Variants in UBE3B observed in about 807,000 individuals in gnomAD.
The protein encoded by UBE3B is ubiquitin protein ligase E3B.
In UBE3B, 80 loss-of-function variants were observed where a neutral mutation model predicts 132.3. The observed-to-expected ratio is 0.60, with a 90% confidence interval of 0.50 to 0.73. The LOEUF is 0.73. Among genes scored for constraint, UBE3B ranks in the 30% least tolerant of loss-of-function variants. The pLI is 0.00. For synonymous variants in UBE3B, 487 were observed against 520.4 expected (o/e 0.94, Z 0.87); for missense variants, 1,196 against 1,362.5 (o/e 0.88, Z 1.92).
chr12:109,517,927 A>C (rs770282819), intron 19 of UBE3B: 6 of 444,780 alleles, frequency 1.3e-5, no homozygotes, highest in Non-Finnish European at 2.3e-5. Context: ...AGCTTGTTTG[A>C]GTGCCCCTGG....
In UBE3B at chr12:109,525,613, G is replaced by T. The variant is rs796820953; in HGVS notation, c.2569-745G>T. On this transcript the variant is annotated intron_variant, in intron 23 of 27. Coordinates refer to ENST00000342494, the MANE Select transcript of UBE3B (RefSeq NM_130466.4). ...AAATGATATGTCCTTTGATTTTTAG[G>T]TGATCCACGGAAGTGTTCTTGAAGT... is the stretch of plus-strand genomic sequence containing the variant. 2.6e-5 allele frequency among the ~76,000 whole-genome samples: 4 copies of T among 152,266 alleles called. 1 individual carries two copies. The highest frequency in any genetic ancestry group is 9.6e-5 in the African/African-American group (4 of 41,536).
Position 109,483,729 on chromosome 12 carries a change from C to T in UBE3B, c.161+17C>T. 1.3e-6 allele frequency: 2 copies of T among 1,580,192 alleles called. No homozygotes were observed. The highest frequency in any genetic ancestry group is 2.2e-5 in the East Asian group (1 of 44,538). On this transcript the variant is annotated intron_variant, in intron 3 of 27. Coordinates refer to ENST00000342494, the MANE Select transcript of UBE3B (RefSeq NM_130466.4). ...AGATATCAGGTAAGGGCTAGGATCT[C>T]CCTAGCACATGATTCTCTGGCTCCC...
In UBE3B at chr12:109,534,199, C is replaced by T; in HGVS notation, c.3016-392C>T. 1.6e-6 allele frequency: 2 copies of T among 1,236,194 alleles called. No homozygotes were observed. Among genetic ancestry groups the T allele is most frequent in the Non-Finnish European group, 2.1e-6 (2 of 970,260 alleles). The allele number at this position is 1,236,194 out of a possible 1,614,324, so 76.6% of individuals were successfully genotyped here. A position where few individuals can be genotyped will look rare whatever the true frequency, so the allele number is the denominator to read the frequency against. On this transcript the variant is annotated intron_variant, in intron 27 of 27. Coordinates refer to ENST00000342494, the MANE Select transcript of UBE3B (RefSeq NM_130466.4). The surrounding 1 kb of genome is among the most constrained non-coding windows in gnomAD (Gnocchi z 5.2). ...GCCTCCATGCTTAAGGGAAAGTTGG[C>T]CCAAGTCATGGTCTGCCACCGGCCA...
intron 8 of UBE3B, chr12:109,490,640 T>C: frequency 6.6e-7 from 1 of 1,517,512 alleles, no homozygotes; most frequent in Non-Finnish European, 8.8e-7. Context: ...TCTAAAATAA[T>C]ATGATGTCTT....
intron 9 of UBE3B, among the ~76,000 whole-genome samples, chr12:109,492,943 C>T (rs1185681180): frequency 6.6e-6 from 1 of 152,076 alleles, no homozygotes. Flanking sequence ...TTGGACCAGC[C>T]GCATTTTTAA....
chr12:109,518,377 A>T (rs1277360830), intron 19 of UBE3B, among the ~76,000 whole-genome samples: 1 of 152,174 alleles, frequency 6.6e-6, no homozygotes, highest in Admixed American at 6.5e-5. Flanking sequence ...CAAAATTCAG[A>T]TCTTCCATGT....
At position 109,483,638 on chromosome 12, in the gene UBE3B, G is replaced by A. The variant is rs375632180; in HGVS notation, c.87G>A (p.Arg29=). 5.8e-5 allele frequency: 94 copies of A among 1,613,444 alleles called. No individual in the cohort carries two copies. Among genetic ancestry groups the A allele is most frequent in the Non-Finnish European group, 7.6e-5 (90 of 1,179,878 alleles). Residue 29 remains arginine (R), a synonymous_variant, in exon 3 of 28, where the codon CGG becomes CGA. Transcript: ENST00000342494. ...AAGAAAGGCTTGTGCAGAAGGAACG[G>A]GAGCGGGCAGCTGTTGTGATCCAGG... ...AREERLVQKE[R]ERAAVVIQAH...
Position 109,488,656 on chromosome 12 carries a change from C to G in UBE3B, c.532C>G (p.Leu178Val). 1 of 1,614,096 alleles carries G rather than the reference C, an allele frequency of 6.2e-7. No individual in the cohort carries two copies. The highest frequency in any genetic ancestry group is 8.5e-7 in the Non-Finnish European group (1 of 1,179,918). Residue 178 changes from leucine (L) to valine (V), a missense_variant, in exon 7 of 28, where the codon CTT becomes GTT. By Grantham distance (32) the Leu-to-Val change is conservative. Transcript: ENST00000342494. The part of the protein sequence containing the change: ...TFTDTSTWKI[L>V]RGKGESLRPA... ...CACAGACACTTCAACGTGGAAAATT[C>G]TTCGGGGAAAAGGTCTGTGGGACTT...
Position 109,508,357 on chromosome 12 carries a change from A to G in UBE3B, c.1622+622A>G, listed in dbSNP as rs1879940291. ...TCTCTATTTCCTCATTAGAATGAAG[A>G]GAATATTACCAGTTCAATAGAGGGT... On this transcript the variant is annotated intron_variant, in intron 15 of 27. Transcript: ENST00000342494. 3 of 240,384 alleles carry G rather than the reference A, an allele frequency of 1.2e-5. No individual in the cohort carries two copies. In the South Asian group the frequency reaches 4.6e-4, roughly 37 times the overall value. 14.9% of individuals were successfully genotyped at this position (240,384 alleles called of 1,614,324 possible).
At chr12:109,507,946 A>G (rs1650499407) in intron 15 of UBE3B, among the ~76,000 whole-genome samples, 1 of 152,178 alleles carries the variant, frequency 6.6e-6, no homozygotes, top group African/African-American at 2.4e-5. Flanking sequence ...AAAAGTTCCC[A>G]TCCTTTCAAG....
chr12:109,497,753 G>A, intron 9 of UBE3B, 65 bp from the exon 10 acceptor site: 1 of 1,491,630 alleles, frequency 6.7e-7, no homozygotes, highest in Non-Finnish European at 9.3e-7. Flanking sequence ...ACGTTGGTGG[G>A]GTTGTGCTTT....
chr12:109,501,079 C>A (rs1463086647), intron 12 of UBE3B, among the ~76,000 whole-genome samples: 2 of 152,136 alleles, frequency 1.3e-5, no homozygotes, highest in African/African-American at 4.8e-5. Context: ...GCAGTGGGTA[C>A]AAGATTGTTT....
At position 109,488,406 on chromosome 12, in the gene UBE3B, A is replaced by C. The variant is rs576977166; in HGVS notation, c.448-166A>C. ...TAGAGTGCCACATTCCCTGTTATTTAACTCCTGGAGTGGTCATTGCCCAAG... is the reference window on the plus strand; with the variant it reads ...TAGAGTGCCACATTCCCTGTTATTTCACTCCTGGAGTGGTCATTGCCCAAG... On this transcript the variant is annotated intron_variant, in intron 6 of 27. Coordinates refer to ENST00000342494, the MANE Select transcript of UBE3B (RefSeq NM_130466.4). Among the ~76,000 whole-genome samples, 6 of 151,926 alleles carry C rather than the reference A, an allele frequency of 3.9e-5. No individual in the cohort carries two copies. The East Asian group carries it at 1.2e-3, about 29-fold the overall frequency.
chr12:109,527,450 G>T (rs1483661688), intron 24 of UBE3B, among the ~76,000 whole-genome samples: 1 of 152,188 alleles, frequency 6.6e-6, no homozygotes, highest in African/African-American at 2.4e-5. Flanking sequence ...TGACAAGTGA[G>T]GGCTCAGTCC....
chr12:109,515,103 C>T (rs563020909), intron 18 of UBE3B, among the ~76,000 whole-genome samples: 61 of 150,850 alleles, frequency 4.0e-4, no homozygotes, highest in African/African-American at 1.3e-3. Context: ...TTAGTGGAGA[C>T]GGGGTTTCAC....
intron 26 of UBE3B, 47 bp downstream of exon 26, chr12:109,530,705 C>G (rs1193430047): frequency 1.3e-6 from 2 of 1,552,342 alleles, no homozygotes; most frequent in African/African-American, 1.4e-5. Flanking sequence ...TCTCATAAAC[C>G]TGGAAGGCCA....
chr12:109,531,203 A>G (rs1250413066), intron 26 of UBE3B, among the ~76,000 whole-genome samples: 2 of 152,160 alleles, frequency 1.3e-5, no homozygotes. Context: ...TGATATCAAG[A>G]TGTATTTTTG....
At position 109,498,699 on chromosome 12, in the gene UBE3B, G is replaced by C. The variant is rs182859051; in HGVS notation, c.940+346G>C. Among the ~76,000 whole-genome samples, 699 of 152,314 alleles carry C rather than the reference G, an allele frequency of 4.6e-3. 2 individuals carry two copies. The highest frequency in any genetic ancestry group is 8.0e-3 in the Non-Finnish European group (544 of 68,016). ...GTTAGGTGGGGCTTATATCAGAGCAGCGCCTGCTTTACCTATTTTACAGTG... is the reference window on the plus strand; with the variant it reads ...GTTAGGTGGGGCTTATATCAGAGCACCGCCTGCTTTACCTATTTTACAGTG... On this transcript the variant is annotated intron_variant, in intron 11 of 27. Coordinates refer to ENST00000342494, the MANE Select transcript of UBE3B (RefSeq NM_130466.4).
chr12:109,483,089 T>C (rs1032483958), intron 2 of UBE3B, among the ~76,000 whole-genome samples: 2 of 152,238 alleles, frequency 1.3e-5, no homozygotes, highest in Non-Finnish European at 2.9e-5. Context: ...CTCGAGTCCT[T>C]ACTTGGCAAA....
Sources: gnomAD v4.1 joint callset for allele counts (sites outside exome capture counted in the v4.1 genomes callset) on GRCh38, gnomAD v4.1.1 for gene constraint, Gnocchi (gnomAD v3.1) non-coding constraint, MANE v1.5 for transcripts, NCBI Gene and HGNC (gene_info 2026-07-23, HGNC 2026-07-21) for gene names.